The following NEK11 variants were observed in gnomAD, a reference collection of about 807,000 sequenced individuals.
The protein encoded by NEK11 is serine/threonine-protein kinase Nek11.
Under a neutral mutation model 80.7 loss-of-function variants are expected in NEK11, and 72 were observed. The observed-to-expected ratio is 0.89, with a 90% CI of 0.74 to 1.08. The LOEUF (loss-of-function observed/expected upper bound fraction) is 1.08, where lower values mean the gene tolerates loss of function less well. NEK11 is among the 50% of genes least tolerant of loss of function. The probability of loss-of-function intolerance (pLI) is 0.00; values close to 1 mark genes in which losing one functional copy is unlikely to be tolerated. For missense variants in NEK11, 764 were observed against 763.6 expected (o/e 1.00, Z -0.01); for synonymous variants, 251 against 260.7 (o/e 0.96, Z 0.36).
At chr3:131,036,048 T>C (rs73871759) in intron 3 of NEK11, among the ~76,000 whole-genome samples, 11,084 of 152,252 alleles carry the variant, frequency 0.073, 1,175 homozygotes, top group African/African-American at 0.23. Context: ...AATCCTGCCA[T>C]CCAACCTGTG....
chr3:131,163,656 A>G (rs1330344064), intron 11 of NEK11, among the ~76,000 whole-genome samples: 1 of 152,224 alleles, frequency 6.6e-6, no homozygotes, highest in African/African-American at 2.4e-5. Flanking sequence ...CTGGAGATCT[A>G]TTGTACAGCA....
At chr3:131,243,968 C>T (rs1439316589) in intron 16 of NEK11, among the ~76,000 whole-genome samples, 1 of 151,832 alleles carries the variant, frequency 6.6e-6, no homozygotes, top group Non-Finnish European at 1.5e-5. Flanking sequence ...TGCTATGCTT[C>T]AGGGATAAAG....
At chr3:131,082,968 AAC>A (rs1249912946) in intron 4 of NEK11, among the ~76,000 whole-genome samples, 50 of 152,338 alleles carry the variant, frequency 3.3e-4, no homozygotes, top group African/African-American at 1.0e-3. Flanking sequence ...TCAGGAAATC[AAC>A]AGTGATACAA....
chr3:131,125,033 TG>T (rs1244809310), intron 5 of NEK11, among the ~76,000 whole-genome samples: 1 of 152,172 alleles, frequency 6.6e-6, no homozygotes, highest in Non-Finnish European at 1.5e-5. Flanking sequence ...AGTGTTGCAT[TG>T]TCTAGTTTTG....
At chr3:131,120,420 T>G (rs2082160642) in intron 5 of NEK11, among the ~76,000 whole-genome samples, 1 of 152,162 alleles carries the variant, frequency 6.6e-6, no homozygotes, top group Admixed American at 6.6e-5. Context: ...CATTTTTTCC[T>G]CATTTCAACT....
At chr3:131,349,531 G>T (rs1336555951) in intron 17 of NEK11, 26 bp from the exon 18 acceptor site, 1 of 1,584,316 alleles carries the variant, frequency 6.3e-7, no homozygotes, top group Admixed American at 1.7e-5. Context: ...GTAACTCTTT[G>T]TAATCTTTTG....
chr3:131,244,693 G>A (rs1177412050), intron 16 of NEK11, among the ~76,000 whole-genome samples: 1 of 152,060 alleles, frequency 6.6e-6, no homozygotes, highest in Non-Finnish European at 1.5e-5. Context: ...AGGCTGAGGT[G>A]GGAGGATCAC....
At chr3:131,223,817 C>T (rs77491485) in intron 14 of NEK11, among the ~76,000 whole-genome samples, 5,580 of 152,168 alleles carry the variant, frequency 0.037, 148 homozygotes, top group Non-Finnish European at 0.057. Flanking sequence ...GAAATGCCTG[C>T]GGGTTCCTGT....
intron 15 of NEK11, 84 bp downstream of exon 15, chr3:131,228,772 G>A (rs984731783): frequency 5.8e-6 from 8 of 1,369,466 alleles, no homozygotes; most frequent in African/African-American, 2.9e-5. Context: ...AGTCTTATAA[G>A]GTGAAGTTGG....
At chr3:131,172,216 T>C (rs886423388) in intron 14 of NEK11, among the ~76,000 whole-genome samples, 7 of 152,212 alleles carry the variant, frequency 4.6e-5, no homozygotes, top group Non-Finnish European at 7.3e-5. Context: ...AGAGATGGAT[T>C]TCAGAGCATA....
intron 15 of NEK11, among the ~76,000 whole-genome samples, chr3:131,241,834 T>C (rs1471727727): frequency 6.6e-6 from 1 of 152,144 alleles, no homozygotes; most frequent in South Asian, 2.1e-4. Flanking sequence ...TAGAAAAGAC[T>C]GACTATATAT....
At chr3:131,218,496 T>C (rs1039800318) in intron 14 of NEK11, among the ~76,000 whole-genome samples, 4 of 152,194 alleles carry the variant, frequency 2.6e-5, no homozygotes, top group African/African-American at 9.7e-5. Context: ...GCTTCTTTGA[T>C]CCAAGAACAA....
At chr3:131,214,208 C>T (rs1466262852) in intron 14 of NEK11, among the ~76,000 whole-genome samples, 1 of 152,218 alleles carries the variant, frequency 6.6e-6, no homozygotes, top group Admixed American at 6.5e-5. Context: ...GTTTATTACT[C>T]CTTGTCGTAA....
Position 131,156,043 on chromosome 3 carries a change from GAT to G in NEK11, c.962+925_962+926del, listed in dbSNP as rs574913574. On this transcript the variant is annotated intron_variant, in intron 10 of 17. Transcript: ENST00000383366. ...ATTAACTAGAGATGTAAGAGTAGTA[GAT>G]ATTTTTTAAATACTGGACTAGTTTT... is the stretch of plus-strand genomic sequence containing the variant. 1.6e-3 allele frequency among the ~76,000 whole-genome samples: 237 copies of G among 152,290 alleles called. 2 individuals are homozygous for G. The highest frequency in any genetic ancestry group is 2.7e-3 in the Non-Finnish European group (183 of 68,018).
At chr3:131,246,884 C>A (rs931567189) in intron 16 of NEK11, among the ~76,000 whole-genome samples, 1 of 151,950 alleles carries the variant, frequency 6.6e-6, no homozygotes, top group Non-Finnish European at 1.5e-5. Context: ...AGCATTTTTT[C>A]ATATGCTTGT....
intron 17 of NEK11, among the ~76,000 whole-genome samples, chr3:131,337,796 C>A (rs1355534830): frequency 6.6e-6 from 1 of 152,020 alleles, no homozygotes; most frequent in Non-Finnish European, 1.5e-5. Flanking sequence ...AATCTGAACC[C>A]CCCCTCCATG....
chr3:131,036,069 T>C (rs1168996588), intron 3 of NEK11, among the ~76,000 whole-genome samples: 1 of 152,236 alleles, frequency 6.6e-6, no homozygotes, highest in Non-Finnish European at 1.5e-5. Flanking sequence ...GTCTTTTCTG[T>C]ATGCACTGAC....
chr3:131,267,258 T>G (rs2096076570), intron 16 of NEK11, among the ~76,000 whole-genome samples: 1 of 152,246 alleles, frequency 6.6e-6, no homozygotes, highest in South Asian at 2.1e-4. Context: ...TTTTGCTCAT[T>G]AGTTGATGCA....
chr3:131,230,068 G>A (rs2095300028), intron 15 of NEK11, among the ~76,000 whole-genome samples: 1 of 152,100 alleles, frequency 6.6e-6, no homozygotes, highest in Non-Finnish European at 1.5e-5. Context: ...TTCATTCTGG[G>A]CCTATGGTTG....
Sources: gnomAD v4.1 joint callset for allele counts (sites outside exome capture counted in the v4.1 genomes callset) on GRCh38, gnomAD v4.1.1 for gene constraint, MANE v1.5 for transcripts, NCBI Gene and HGNC (gene_info 2026-07-23, HGNC 2026-07-21) for gene names.